Variants in DPP6 observed in about 807,000 individuals in gnomAD.
DPP6 encodes A-type potassium channel modulatory protein DPP6.
A neutral mutation model predicts 122.6 loss-of-function variants in DPP6; 69 were observed. That is an observed-to-expected ratio of 0.56 (90% CI 0.46 to 0.69). The LOEUF is 0.69. Among genes scored for constraint, DPP6 ranks in the 30% least tolerant of loss-of-function variants. The pLI is 0.00. For synonymous variants in DPP6, 418 were observed against 433.1 expected (o/e 0.97, Z 0.43); for missense variants, 928 against 1,116.9 (o/e 0.83, Z 2.41).
chr7:153,941,689 A>G (rs1409913138), intron 1 of DPP6, among the ~76,000 whole-genome samples: 1 of 152,186 alleles, frequency 6.6e-6, no homozygotes, highest in East Asian at 1.9e-4. Flanking sequence ...CGGGAATTCA[A>G]AGGATAAGGT....
At chr7:154,174,927 A>G (rs1797720903) in intron 1 of DPP6, among the ~76,000 whole-genome samples, 1 of 148,050 alleles carries the variant, frequency 6.8e-6, no homozygotes, top group Non-Finnish European at 1.5e-5. Flanking sequence ...CCCAGGCTGG[A>G]GTACAGTGGC....
chr7:153,888,248 G>A (rs1013356870), intron 1 of DPP6, among the ~76,000 whole-genome samples: 40 of 152,218 alleles, frequency 2.6e-4, no homozygotes, highest in Non-Finnish European at 1.5e-5. Flanking sequence ...TCCAGACGCC[G>A]CCGCCGGGCG....
At chr7:154,009,814 G>T (rs921694252) in intron 1 of DPP6, among the ~76,000 whole-genome samples, 1 of 149,916 alleles carries the variant, frequency 6.7e-6, no homozygotes, top group Non-Finnish European at 1.5e-5. Context: ...TAAGGATGTA[G>T]CTAAATTACA....
chr7:154,814,094 G>T (rs1036318924), intron 16 of DPP6, among the ~76,000 whole-genome samples: 2 of 151,416 alleles, frequency 1.3e-5, no homozygotes, highest in African/African-American at 4.9e-5. Context: ...TTGGTTAGGT[G>T]GGTCTTGAGC....
chr7:154,752,160 C>T (rs754096594), intron 8 of DPP6, among the ~76,000 whole-genome samples: 2 of 151,946 alleles, frequency 1.3e-5, no homozygotes, highest in African/African-American at 2.4e-5. Flanking sequence ...GTGGGGGAGC[C>T]GACAGCATGA....
intron 5 of DPP6, among the ~76,000 whole-genome samples, chr7:154,572,958 G>A (rs935476288): frequency 6.6e-6 from 1 of 152,066 alleles, no homozygotes; most frequent in African/African-American, 2.4e-5. Context: ...GGGGTTACAG[G>A]GGTGAGCCAC....
chr7:154,565,103 T>G (rs1295270425), intron 4 of DPP6, among the ~76,000 whole-genome samples: 1 of 152,220 alleles, frequency 6.6e-6, no homozygotes, highest in Admixed American at 6.5e-5. Context: ...CATGGGTTGT[T>G]GGCCATGAGT....
intron 1 of DPP6, among the ~76,000 whole-genome samples, chr7:154,075,510 A>C (rs2150518001): frequency 6.6e-6 from 1 of 152,246 alleles, no homozygotes; most frequent in Non-Finnish European, 1.5e-5. Flanking sequence ...ATTCACAGCA[A>C]CCTGGACAGA....
intron 18 of DPP6, among the ~76,000 whole-genome samples, chr7:154,869,308 C>T (rs1804173161): frequency 6.6e-6 from 1 of 152,178 alleles, no homozygotes; most frequent in East Asian, 1.9e-4. Context: ...GACTCAGCTC[C>T]CAAGAGCAGG....
intron 1 of DPP6, among the ~76,000 whole-genome samples, chr7:153,993,700 C>T (rs530015106): frequency 6.6e-6 from 1 of 152,300 alleles, no homozygotes; most frequent in South Asian, 2.1e-4. Context: ...TATATCACCT[C>T]AATGATCTTA....
intron 1 of DPP6, among the ~76,000 whole-genome samples, chr7:154,268,375 C>T (rs1803571832): frequency 6.6e-6 from 1 of 152,182 alleles, no homozygotes; most frequent in African/African-American, 2.4e-5. Flanking sequence ...AAAGTGGAAA[C>T]AGATTCAGCA....
intron 1 of DPP6, among the ~76,000 whole-genome samples, chr7:154,129,263 C>A (rs182744590): frequency 6.6e-6 from 1 of 152,010 alleles, no homozygotes; most frequent in African/African-American, 2.4e-5. Flanking sequence ...GTGACATTAA[C>A]AAGAGGCTTA....
intron 1 of DPP6, among the ~76,000 whole-genome samples, chr7:154,229,726 G>C (rs1800809224): frequency 6.6e-6 from 1 of 152,006 alleles, no homozygotes; most frequent in Non-Finnish European, 1.5e-5. Context: ...CCATAAATTT[G>C]ATGTTTGTTC....
At chr7:154,191,799 T>C (rs1798630141) in intron 1 of DPP6, among the ~76,000 whole-genome samples, 1 of 152,228 alleles carries the variant, frequency 6.6e-6, no homozygotes, top group Non-Finnish European at 1.5e-5. Context: ...TCCCATGTTG[T>C]TTCTGTTCTT....
chr7:154,253,026 C>A (rs1235010789), intron 1 of DPP6, among the ~76,000 whole-genome samples: 1 of 152,202 alleles, frequency 6.6e-6, no homozygotes, highest in Admixed American at 6.5e-5. Context: ...AGAAGGGCTG[C>A]CTGTAATAAG....
At chr7:153,889,888 C>T (rs1799112019) in intron 1 of DPP6, among the ~76,000 whole-genome samples, 1 of 152,208 alleles carries the variant, frequency 6.6e-6, no homozygotes, top group Non-Finnish European at 1.5e-5. Context: ...ATTATGGCTC[C>T]ACAGCCTGCT....
At chr7:153,807,378 G>A in the DPP6 span, among the ~76,000 whole-genome samples, 6 of 151,360 alleles carry the variant, frequency 4.0e-5, no homozygotes, top group African/African-American at 1.2e-4. Context: ...CGAGATCTGT[G>A]AGCCTGGGCC....
intron 1 of DPP6, among the ~76,000 whole-genome samples, chr7:153,923,587 T>C (rs1002772812): frequency 2.6e-5 from 4 of 151,762 alleles, no homozygotes; most frequent in African/African-American, 7.3e-5. Flanking sequence ...TGGTGAAACC[T>C]CGTCTCTACT....
At chr7:154,485,964 G>A (rs560331409) in intron 3 of DPP6, among the ~76,000 whole-genome samples, 2 of 142,360 alleles carry the variant, frequency 1.4e-5, no homozygotes, top group South Asian at 4.4e-4. Flanking sequence ...CCACAACAGT[G>A]CTGGAGAGGA....
Sources: gnomAD v4.1 joint callset for allele counts (sites outside exome capture counted in the v4.1 genomes callset) on GRCh38, gnomAD v4.1.1 for gene constraint, MANE v1.5 for transcripts, NCBI Gene and HGNC (gene_info 2026-07-23, HGNC 2026-07-21) for gene names.